Variants in STOX2 observed in about 807,000 individuals in gnomAD.
STOX2 encodes the protein storkhead box 2.
A neutral mutation model predicts 60.9 loss-of-function variants in STOX2; 28 were observed. That is an observed-to-expected ratio of 0.46 (90% CI 0.34 to 0.63). The LOEUF is 0.63. Among genes scored for constraint, STOX2 ranks in the 30% least tolerant of loss-of-function variants. STOX2 has a pLI of 0.01. For synonymous variants in STOX2, 472 were observed against 463.9 expected, an observed-to-expected ratio of 1.02 and a Z score of -0.22; for missense variants, 1,024 against 1,187.7, an observed-to-expected ratio of 0.86 and a Z score of 2.03.
chr4:183,948,208 A>C (rs1423875590), intron 1 of STOX2, among the ~76,000 whole-genome samples: 1 of 115,804 alleles, frequency 8.6e-6, no homozygotes, highest in African/African-American at 3.1e-5. Context: ...ACAAGAGCAA[A>C]ACTCCATCTC....
chr4:183,971,511 A>G (rs1232649913), intron 1 of STOX2, among the ~76,000 whole-genome samples: 1 of 152,210 alleles, frequency 6.6e-6, no homozygotes, highest in Non-Finnish European at 1.5e-5. Context: ...CATGTCAATC[A>G]GTTTGGCTTC....
chr4:183,929,875 C>G (rs1177173313), intron 1 of STOX2, among the ~76,000 whole-genome samples: 5 of 151,182 alleles, frequency 3.3e-5, no homozygotes. Flanking sequence ...TTTTCTTCTT[C>G]TTCTTTGAGA....
chr4:183,901,742 A>G (rs1175999178), upstream of STOX2, among the ~76,000 whole-genome samples: 5 of 151,882 alleles, frequency 3.3e-5, no homozygotes, highest in Admixed American at 6.6e-5. Context: ...TCTTCGCAGA[A>G]ATCTCTATTC....
At chr4:183,839,997 G>GC (rs1449008362) in intron 1 of STOX2, among the ~76,000 whole-genome samples, 3 of 152,128 alleles carry the variant, frequency 2.0e-5, no homozygotes, top group Non-Finnish European at 4.4e-5. Flanking sequence ...TGTGGTCTGT[G>GC]AACACTCAGC....
Position 183,917,214 on chromosome 4 carries a change from G to A in STOX2, c.166+10258G>A, listed in dbSNP as rs559875907. 5.3e-5 allele frequency among the ~76,000 whole-genome samples: 8 copies of A among 152,330 alleles called. No individual in the cohort carries two copies. The East Asian group carries it at 9.6e-4, about 18-fold the overall frequency. ...TTCACATCTTTCTCTAACCATATGC[G>A]TGGTTGATGCCCCAGGGGTTGATGG... On this transcript the variant is annotated intron_variant, in intron 1 of 3. Transcript: ENST00000308497.
chr4:183,981,106 TG>T (rs1316834419), intron 1 of STOX2, among the ~76,000 whole-genome samples: 3 of 152,178 alleles, frequency 2.0e-5, no homozygotes, highest in African/African-American at 7.2e-5. Flanking sequence ...TTTCCCAAAT[TG>T]GGGGCATATT....
At chr4:183,976,547 C>G (rs1409232616) in intron 1 of STOX2, among the ~76,000 whole-genome samples, 2 of 144,694 alleles carry the variant, frequency 1.4e-5, no homozygotes, top group African/African-American at 5.0e-5. Flanking sequence ...ACACTGCAGA[C>G]TACTAGAGGG....
intron 1 of STOX2, among the ~76,000 whole-genome samples, chr4:183,960,756 T>C (rs1323197087): frequency 2.0e-5 from 3 of 152,212 alleles, no homozygotes; most frequent in African/African-American, 7.2e-5. Flanking sequence ...GAGGTTTAGT[T>C]CATTTTTAGA....
At chr4:183,807,028 A>T (rs558833228) in intron 1 of STOX2, among the ~76,000 whole-genome samples, 158 of 151,934 alleles carry the variant, frequency 1.0e-3, no homozygotes, top group Non-Finnish European at 1.6e-3. Flanking sequence ...GCTGGAGTGC[A>T]GTGGCGCGAT....
At chr4:183,957,148 T>TATAATAATAATAATAATA (rs57935070) in intron 1 of STOX2, among the ~76,000 whole-genome samples, 4 of 142,762 alleles carry the variant, frequency 2.8e-5, no homozygotes, top group Non-Finnish European at 4.5e-5. Context: ...AAACTTAAAG[T>TATAATAATAATAATAATA]ATAATAATAA....
chr4:183,995,291 CTTTTTTTTTTTTTTTTT>C (rs61681165), intron 1 of STOX2, among the ~76,000 whole-genome samples: 81 of 79,456 alleles, frequency 1.0e-3, no homozygotes, highest in Middle Eastern at 0.014. Context: ...TTATTTTAGT[CTTTTTTTTTTTTTTTTT>C]TTTTTTTTTT....
At chr4:183,824,011 C>A (rs888007284) in intron 1 of STOX2, among the ~76,000 whole-genome samples, 1 of 152,176 alleles carries the variant, frequency 6.6e-6, no homozygotes, top group Non-Finnish European at 1.5e-5. Context: ...ATCGTAAAAT[C>A]GGCTACTGAA....
chr4:183,888,725 C>G (rs1741139566), intron 1 of STOX2, among the ~76,000 whole-genome samples: 1 of 152,202 alleles, frequency 6.6e-6, no homozygotes, highest in Non-Finnish European at 1.5e-5. Context: ...AGAGTCTGCA[C>G]AGGAATGAGA....
At chr4:183,944,097 A>G (rs1395342950) in intron 1 of STOX2, among the ~76,000 whole-genome samples, 1 of 152,184 alleles carries the variant, frequency 6.6e-6, no homozygotes, top group Non-Finnish European at 1.5e-5. Context: ...GTAGATAGAG[A>G]GAAGAGAACT....
In STOX2 at chr4:184,003,008, G is replaced by C. The variant is rs138368759; in HGVS notation, c.319+1531G>C. The stretch of plus-strand genomic sequence containing the variant: ...TTATTATCTCTGAATATTCTTCACT[G>C]TCTGATTGCCTGTCTCTTTTTGTTA... On this transcript the variant is annotated intron_variant, in intron 2 of 3. Transcript: ENST00000308497. Among the ~76,000 whole-genome samples the C allele has an allele frequency of 3.9e-5, 6 of 152,262 alleles. No homozygotes were observed. The East Asian group carries it at 1.2e-3, about 29-fold the overall frequency.
intron 1 of STOX2, among the ~76,000 whole-genome samples, chr4:183,990,578 A>ATTTTTTTTTTTTTTTTT (rs57369052): frequency 4.8e-5 from 4 of 82,482 alleles, no homozygotes; most frequent in Admixed American, 1.3e-4. Context: ...AAAAAGCAGG[A>ATTTTTTTTTTTTTTTTT]TTTTTTTTTT....
intron 1 of STOX2, among the ~76,000 whole-genome samples, chr4:183,921,817 G>A (rs575030913): frequency 2.6e-5 from 4 of 152,118 alleles, no homozygotes; most frequent in South Asian, 2.1e-4. Flanking sequence ...TCTTACTCCC[G>A]TTTCATGGCT....
intron 1 of STOX2, among the ~76,000 whole-genome samples, chr4:183,818,652 T>A (rs1377632841): frequency 1.3e-5 from 2 of 151,898 alleles, no homozygotes; most frequent in Non-Finnish European, 2.9e-5. Context: ...GAGGGGCCCC[T>A]CACTTCCCAG....
At position 183,874,979 on chromosome 4, in the gene STOX2, AT is replaced by A. The variant is rs1560857881; in HGVS notation, c.364+76925del. On this transcript the variant is annotated intron_variant, in intron 1 of 2. Coordinates refer to the STOX2 transcript ENST00000513034. ...TATATATATATATATATATATATAT[AT>A]ATATATATATATAAAACTTAGAATT... Among the ~76,000 whole-genome samples the A allele has an allele frequency of 9.6e-3, 1,047 of 109,434 alleles. 28 individuals are homozygous for A. Among genetic ancestry groups the A allele is most frequent in the African/African-American group, 0.015 (399 of 26,994 alleles). 71.8% of individuals were successfully genotyped at this position (109,434 alleles called of 152,430 possible).
Sources: gnomAD v4.1 joint callset for allele counts (sites outside exome capture counted in the v4.1 genomes callset) on GRCh38, gnomAD v4.1.1 for gene constraint, MANE v1.5 for transcripts, NCBI Gene and HGNC (gene_info 2026-07-23, HGNC 2026-07-21) for gene names.